The following KIAA0586 variants were observed in gnomAD, a reference collection of about 807,000 sequenced individuals.
The protein encoded by KIAA0586 is protein TALPID3.
In KIAA0586, 144 loss-of-function variants were observed where a neutral mutation model predicts 169.8. That is an observed-to-expected ratio of 0.85 (90% confidence interval 0.74 to 0.97). KIAA0586 has a LOEUF of 0.97. KIAA0586 is among the 50% of genes least tolerant of loss of function. The pLI, the probability that KIAA0586 is intolerant of heterozygous loss-of-function variation, is 0.00. For synonymous variants in KIAA0586, 625 were observed against 612.4 expected (o/e 1.02, Z -0.30); for missense variants, 1,854 against 1,823.0 (o/e 1.02, Z -0.31).
intron 21 of KIAA0586, among the ~76,000 whole-genome samples, chr14:58,483,013 A>G (rs2042140043): frequency 6.6e-6 from 1 of 152,204 alleles, no homozygotes; most frequent in African/African-American, 2.4e-5. Context: ...ACTTAAATCT[A>G]TAGAATAGTT....
rs2044464422 is a variant in KIAA0586, at chr14:58,512,552, C to A, written c.4354C>A (p.Gln1452Lys). 7.8e-6 allele frequency: 12 copies of A among 1,539,860 alleles called. No individual in the cohort carries two copies. Among genetic ancestry groups the A allele is most frequent in the Non-Finnish European group, 1.0e-5 (12 of 1,150,728 alleles). The change falls in exon 29 of 31, where the codon CAA (glutamine) becomes AAA (lysine). Residue 1452 changes from glutamine (Q) to lysine (K), a missense_variant. Transcript: ENST00000652326. Reference protein sequence around the residue: ...YQLKQNQDVKQVEHKPSQSYL... With the variant: ...YQLKQNQDVKKVEHKPSQSYL... ...ACTAAAGCAAAATCAGGATGTTAAG[C>A]AAGTTGAACACAAACCATCACAAAG...
rs762698768 is a variant in KIAA0586, at chr14:58,453,476, A to G, written c.1253+3A>G. The G allele has an allele frequency of 5.2e-5, 78 of 1,497,148 alleles. No individual in the cohort carries two copies. The highest frequency in any genetic ancestry group is 2.9e-5 in the African/African-American group (2 of 69,356). The allele number at this position is 1,497,148 out of a possible 1,614,324, so 92.7% of individuals were successfully genotyped here. ...TGGACTCCTGAGAAAACAAACAGGT[A>G]AAAACAAGAGATTGGAATGAAAACT... On this transcript the variant is annotated splice_donor_region_variant and intron_variant, in intron 9 of 30. Coordinates refer to ENST00000652326, the MANE Select transcript of KIAA0586 (RefSeq NM_001329943.3).
At chr14:58,559,690 G>A in the KIAA0586 span, among the ~76,000 whole-genome samples, 1 of 152,088 alleles carries the variant, frequency 6.6e-6, no homozygotes, top group East Asian at 1.9e-4. Flanking sequence ...GAAGCCTTGG[G>A]AACTCAGTAA....
chr14:58,469,659 G>A (rs897478025), intron 16 of KIAA0586, among the ~76,000 whole-genome samples: 1 of 152,138 alleles, frequency 6.6e-6, no homozygotes, highest in South Asian at 2.1e-4. Flanking sequence ...AAACGAAGAT[G>A]CTAGTAAAGC....
chr14:58,439,619 C>A (rs865775824), intron 4 of KIAA0586, among the ~76,000 whole-genome samples: 20 of 152,188 alleles, frequency 1.3e-4, no homozygotes, highest in African/African-American at 4.8e-4. Context: ...CTCTATAATT[C>A]TATGACACTC....
intron 27 of KIAA0586, among the ~76,000 whole-genome samples, chr14:58,502,228 TG>T (rs2043621746): frequency 6.6e-6 from 1 of 152,082 alleles, no homozygotes; most frequent in Non-Finnish European, 1.5e-5. Flanking sequence ...CTCTGCCTCC[TG>T]GGTTCAAGTG....
chr14:58,440,233 G>A (rs2038201848), intron 4 of KIAA0586: 1 of 436,690 alleles, frequency 2.3e-6, no homozygotes, highest in Non-Finnish European at 4.6e-6. Flanking sequence ...TAAACTGAGT[G>A]ACCTTCCTTT....
chr14:58,456,356 G>T (rs909479660), intron 9 of KIAA0586, among the ~76,000 whole-genome samples: 1 of 152,098 alleles, frequency 6.6e-6, no homozygotes, highest in African/African-American at 2.4e-5. Context: ...TTTTGCTAGG[G>T]TTCTCATTGT....
chr14:58,491,559 A>T (rs2042834423), intron 25 of KIAA0586, among the ~76,000 whole-genome samples: 1 of 152,200 alleles, frequency 6.6e-6, no homozygotes, highest in Non-Finnish European at 1.5e-5. Context: ...ACTGTTCCTC[A>T]TTGTTGGGAT....
chr14:58,543,424 G>A (rs1172969524), intron 30 of KIAA0586, among the ~76,000 whole-genome samples: 1 of 152,186 alleles, frequency 6.6e-6, no homozygotes, highest in African/African-American at 2.4e-5. Context: ...AACAGTGCCA[G>A]GCACATAGTA....
At chr14:58,453,559 A>G in intron 9 of KIAA0586, 86 bp downstream of exon 9, 1 of 868,626 alleles carries the variant, frequency 1.2e-6, no homozygotes, top group Non-Finnish European at 1.7e-6. Flanking sequence ...TTAATAAATT[A>G]TAGCATTGCT....
chr14:58,494,418 G>GC (rs1555394684), intron 26 of KIAA0586, among the ~76,000 whole-genome samples: 1 of 139,682 alleles, frequency 7.2e-6, no homozygotes, highest in Non-Finnish European at 1.6e-5. Flanking sequence ...TTTGTTGTCT[G>GC]TTTTTTTTTT....
intron 27 of KIAA0586, 81 bp downstream of exon 27, chr14:58,499,041 T>C (rs2043364693): frequency 3.2e-6 from 4 of 1,252,584 alleles, no homozygotes; most frequent in Middle Eastern, 4.2e-4. Flanking sequence ...TATTTTCAGA[T>C]AGGGGCTTGC....
chr14:58,523,889 A>G (rs565545926), intron 29 of KIAA0586, among the ~76,000 whole-genome samples: 12 of 152,144 alleles, frequency 7.9e-5, no homozygotes, highest in South Asian at 2.1e-4. Flanking sequence ...TTATACCACA[A>G]TGCCCTCCAA....
chr14:58,508,587 G>A lies in KIAA0586; in HGVS notation c.4201G>A (p.Gly1401Ser), dbSNP rs1426632842. 1.2e-5 allele frequency: 19 copies of A among 1,596,674 alleles called. No individual in the cohort carries two copies. Among genetic ancestry groups the A allele is most frequent in the Non-Finnish European group, 1.5e-5 (18 of 1,170,742 alleles). ...TTATGAAGATTCATGTGCTAGTCAT[G>A]GTCCAATGAGTTTGGGAGAATTGGA... is the stretch of plus-strand genomic sequence containing the variant. ...SIYEDSCASH[G>S]PMSLGELELE... Residue 1401 changes from glycine to serine, a missense_variant, in exon 28 of 31, where the codon GGT becomes AGT. Coordinates refer to ENST00000652326, the MANE Select transcript of KIAA0586 (RefSeq NM_001329943.3).
intron 19 of KIAA0586, among the ~76,000 whole-genome samples, chr14:58,476,918 C>T (rs565885871): frequency 6.6e-6 from 1 of 152,134 alleles, no homozygotes; most frequent in Non-Finnish European, 1.5e-5. Context: ...CGTGGCCTCC[C>T]AAAGTGTTGA....
At chr14:58,467,619 T>G in intron 15 of KIAA0586, 116 bp from the exon 16 acceptor site, 1 of 731,708 alleles carries the variant, frequency 1.4e-6, no homozygotes, top group Non-Finnish European at 2.3e-6. Flanking sequence ...GAGGGGTGAT[T>G]GTCAGATAGG....
intron 27 of KIAA0586, among the ~76,000 whole-genome samples, chr14:58,503,952 A>G (rs2043758878): frequency 6.6e-6 from 1 of 152,138 alleles, no homozygotes; most frequent in South Asian, 2.1e-4. Flanking sequence ...GGAGTACAGT[A>G]AGGATCGCTT....
intron 13 of KIAA0586, among the ~76,000 whole-genome samples, chr14:58,460,583 A>T (rs549596921): frequency 3.3e-5 from 5 of 152,270 alleles, no homozygotes; most frequent in African/African-American, 9.6e-5. Flanking sequence ...TATACTTAGT[A>T]GATTCTCAGT....
Sources: allele counts gnomAD v4.1 joint callset (sites outside exome capture counted in the v4.1 genomes callset), GRCh38; gene constraint gnomAD v4.1.1; transcripts MANE v1.5; gene names NCBI Gene and HGNC (gene_info 2026-07-23, HGNC 2026-07-21).